The following NBPF8 variants were observed in gnomAD, a reference collection of about 807,000 sequenced individuals.
The protein encoded by NBPF8 is NBPF member 8, also known as NBPF family member NBPF8.
At chr1:120,421,364 TTCCCTACTTCTCTCCCC>T (rs1292727214) in intron 1 of NBPF8, among the ~76,000 whole-genome samples, 5 of 152,146 alleles carry the variant, frequency 3.3e-5, no homozygotes, top group East Asian at 1.9e-4. Flanking sequence ...CCTTCCTTCC[TTCCCTACTTCTCTCCCC>T]TCCCTACTTC....
chr1:120,462,711 T>A, intron 20 of NBPF8, 83 bp from the exon 19 acceptor site: 1 of 223,744 alleles, frequency 4.5e-6, no homozygotes, highest in South Asian at 2.5e-5. Context: ...AAACAGTTCC[T>A]TATGTTAGCC....
At chr1:120,453,596 G>A (rs1160758733) in intron 14 of NBPF8, among the ~76,000 whole-genome samples, 152 bp downstream of exon 12, 1 of 150,896 alleles carries the variant, frequency 6.6e-6, no homozygotes, top group Non-Finnish European at 1.5e-5. Context: ...ACAGGGTGCG[G>A]TAGCTGTCAT....
At chr1:120,450,247 A>T (rs1158025426) in intron 11 of NBPF8, among the ~76,000 whole-genome samples, 1 of 151,614 alleles carries the variant, frequency 6.6e-6, no homozygotes, top group East Asian at 1.9e-4. Flanking sequence ...TAATAATGAT[A>T]AATAAAAATA....
chr1:120,425,893 AT>A (rs1224750325), intron 2 of NBPF8, among the ~76,000 whole-genome samples: 1 of 115,556 alleles, frequency 8.7e-6, no homozygotes, highest in African/African-American at 3.5e-5. Flanking sequence ...TGGTTGATTG[AT>A]TTTTTTCTCT....
chr1:120,415,455 G>A (rs1553245011), upstream of NBPF8, among the ~76,000 whole-genome samples: 1 of 152,252 alleles, frequency 6.6e-6, no homozygotes, highest in Admixed American at 6.5e-5. Flanking sequence ...TCGATTCCTC[G>A]CTTGCCGCTG....
At chr1:120,434,339 CAT>C (rs1491379320), upstream of NBPF8, among the ~76,000 whole-genome samples, 16 of 143,978 alleles carry the variant, frequency 1.1e-4, no homozygotes, top group African/African-American at 3.6e-4. Context: ...TATATATATT[CAT>C]GTGTGTGTAT....
downstream of NBPF8, among the ~76,000 whole-genome samples, chr1:120,469,338 T>G (rs1202964997): frequency 6.9e-6 from 1 of 144,222 alleles, no homozygotes; most frequent in East Asian, 2.0e-4. Context: ...GGCCCTTGAT[T>G]GATTGCATGA....
At chr1:120,416,644 A>AT (rs1264924638), upstream of NBPF8, among the ~76,000 whole-genome samples, 1 of 140,778 alleles carries the variant, frequency 7.1e-6, no homozygotes, top group Admixed American at 7.1e-5. Context: ...CAGGTAATGA[A>AT]TTTTTACCAA....
At chr1:120,464,448 T>C in exon 23 of NBPF8, 1 of 786,682 alleles carries the variant, frequency 1.3e-6, no homozygotes, top group Non-Finnish European at 2.3e-6. Flanking sequence ...GTTATTCAAC[T>C]CCTTCCAGTT....
intron 15 of NBPF8, among the ~76,000 whole-genome samples, chr1:120,454,725 T>A: frequency 1.2e-5 from 1 of 82,874 alleles, no homozygotes; most frequent in Non-Finnish European, 2.3e-5. Flanking sequence ...TTTTTTTTTT[T>A]TTTTTTTGCG....
upstream of NBPF8, among the ~76,000 whole-genome samples, chr1:120,419,085 T>C (rs1660502190): frequency 1.3e-5 from 2 of 152,230 alleles, no homozygotes; most frequent in South Asian, 4.1e-4. Context: ...ATTTGTTAAA[T>C]GAATGAATGA....
chr1:120,467,691 T>C (rs1661775642), exon 25 of NBPF8: 2 of 151,382 alleles, frequency 1.3e-5, no homozygotes, highest in African/African-American at 4.9e-5. Context: ...GTTTTAATTT[T>C]TGTCCAAAGT....
At chr1:120,450,523 T>C (rs1357116731) in intron 11 of NBPF8, among the ~76,000 whole-genome samples, 2 of 152,202 alleles carry the variant, frequency 1.3e-5, no homozygotes, top group African/African-American at 4.8e-5. Context: ...GAGCTATTTC[T>C]TGTCAGTCTC....
intron 11 of NBPF8, among the ~76,000 whole-genome samples, chr1:120,450,748 C>A (rs1661244140): frequency 6.6e-6 from 1 of 152,082 alleles, no homozygotes; most frequent in Admixed American, 6.6e-5. Flanking sequence ...GCATACTTGT[C>A]CTTGAAATTC....
chr1:120,420,422 C>T (rs1361028364), intron 1 of NBPF8, among the ~76,000 whole-genome samples: 1 of 139,204 alleles, frequency 7.2e-6, no homozygotes, highest in East Asian at 2.0e-4. Flanking sequence ...CTCTTACCCC[C>T]CATTCTCTGC....
intron 23 of NBPF8, 51 bp downstream of exon 21, chr1:120,464,599 A>G: frequency 1.3e-6 from 1 of 795,894 alleles, no homozygotes; most frequent in South Asian, 1.3e-5. Context: ...CTTCCATATA[A>G]AGATCATGTT....
intron 17 of NBPF8, among the ~76,000 whole-genome samples, 168 bp downstream of exon 15, chr1:120,459,698 G>A (rs1337666787): frequency 2.0e-5 from 3 of 151,818 alleles, no homozygotes; most frequent in Admixed American, 1.3e-4. Flanking sequence ...TGAAGCACAG[G>A]CATGGGGTGG....
intron 3 of NBPF8, among the ~76,000 whole-genome samples, chr1:120,428,208 G>A (rs1285680395): frequency 2.0e-5 from 3 of 152,162 alleles, no homozygotes; most frequent in Non-Finnish European, 4.4e-5. Context: ...GAAACAGATG[G>A]TCATAGAATT....
At chr1:120,430,752 CAAAAAA>C (rs1160946903) in intron 3 of NBPF8, among the ~76,000 whole-genome samples, 18 of 41,244 alleles carry the variant, frequency 4.4e-4, no homozygotes, top group Admixed American at 2.2e-3. Flanking sequence ...GACTCTGTCT[CAAAAAA>C]AAAAAAAAAA....
Sources: gnomAD v4.1 joint callset for allele counts (sites outside exome capture counted in the v4.1 genomes callset) on GRCh38, gnomAD v4.1.1 for gene constraint, MANE v1.5 for transcripts, NCBI Gene and HGNC (gene_info 2026-07-23, HGNC 2026-07-21) for gene names.